Variants in MPHOSPH6 observed in about 807,000 individuals in gnomAD.
MPHOSPH6 encodes M-phase phosphoprotein 6.
Under a neutral mutation model 21.8 loss-of-function variants are expected in MPHOSPH6, and 25 were observed. The ratio of observed to expected loss-of-function variants is 1.15; its 90% confidence interval spans 0.83 to 1.60. The LOEUF (loss-of-function observed/expected upper bound fraction) is 1.60, where lower values mean the gene tolerates loss of function less well. Ranked by LOEUF, MPHOSPH6 falls within the 40% of genes most tolerant of loss-of-function variation. The pLI is 0.00. For synonymous variants in MPHOSPH6, 84 were observed against 56.5 expected, an observed-to-expected ratio of 1.49 and a Z score of -2.18; for missense variants, 269 against 181.8, an observed-to-expected ratio of 1.48 and a Z score of -2.76.
intron 2 of MPHOSPH6, among the ~76,000 whole-genome samples, chr16:82,156,636 C>T (rs1906436400): frequency 6.6e-6 from 1 of 152,160 alleles, no homozygotes; most frequent in African/African-American, 2.4e-5. Context: ...TCTCACACTT[C>T]CTTAGTGAAA....
chr16:82,162,324 T>C (rs1243994529), intron 2 of MPHOSPH6: 1 of 152,116 alleles, frequency 6.6e-6, no homozygotes, highest in Non-Finnish European at 1.5e-5. Context: ...CTATTTAGAG[T>C]GTTAAAAACA....
chr16:82,152,887 C>T (rs1176934456), intron 2 of MPHOSPH6, among the ~76,000 whole-genome samples: 5 of 152,310 alleles, frequency 3.3e-5, no homozygotes, highest in Non-Finnish European at 7.3e-5. Flanking sequence ...GGCTCTGATT[C>T]TCATAAAGAT....
chr16:82,150,017 T>A (rs1243091894), intron 3 of MPHOSPH6, among the ~76,000 whole-genome samples: 1 of 152,038 alleles, frequency 6.6e-6, no homozygotes, highest in African/African-American at 2.4e-5. Context: ...TCTGACCTTT[T>A]TTTTTTTAAA....
At chr16:82,158,677 G>C (rs984665567) in intron 2 of MPHOSPH6, among the ~76,000 whole-genome samples, 2 of 152,030 alleles carry the variant, frequency 1.3e-5, no homozygotes, top group Non-Finnish European at 2.9e-5. Context: ...AAGTGAACCT[G>C]ACACTTCAAG....
chr16:82,148,528 C>T lies in MPHOSPH6; in HGVS notation c.*203G>A. ...CATTTGTAGATCAGGGGCTAAAAAT[C>T]CACTCTGAATGAATACCAAGAAGCA... On this transcript the variant is annotated 3_prime_UTR_variant, in exon 5 of 5. Coordinates refer to ENST00000258169, the MANE Select transcript of MPHOSPH6 (RefSeq NM_005792.2). The T allele has an allele frequency of 1.8e-6, 1 of 568,974 alleles. No individual in the cohort carries two copies. The highest frequency in any genetic ancestry group is 2.7e-6 in the Non-Finnish European group (1 of 364,646). 35.2% of individuals were successfully genotyped at this position (568,974 alleles called of 1,614,324 possible). A position where few individuals can be genotyped will look rare whatever the true frequency, so the allele number is the denominator to read the frequency against.
At chr16:82,163,825 A>G in intron 2 of MPHOSPH6, 1 of 357,732 alleles carries the variant, frequency 2.8e-6, no homozygotes. Context: ...TGCTGTTACT[A>G]TCAGAGATAT....
chr16:82,155,225 T>C (rs1379988423), intron 2 of MPHOSPH6, among the ~76,000 whole-genome samples: 1 of 152,238 alleles, frequency 6.6e-6, no homozygotes, highest in Non-Finnish European at 1.5e-5. Context: ...AAAACAGCAC[T>C]TCATGTGTAA....
intron 2 of MPHOSPH6, among the ~76,000 whole-genome samples, chr16:82,163,059 A>T (rs563366531): frequency 2.0e-5 from 3 of 152,286 alleles, no homozygotes; most frequent in South Asian, 4.1e-4. Flanking sequence ...AGCAGAGAAA[A>T]AAAGTACCTT....
At chr16:82,156,391 A>G (rs775428545) in intron 2 of MPHOSPH6, among the ~76,000 whole-genome samples, 8 of 152,154 alleles carry the variant, frequency 5.3e-5, no homozygotes, top group Non-Finnish European at 8.8e-5. Flanking sequence ...TGGATGGGGG[A>G]TGAACAAATA....
At chr16:82,168,296 C>T (rs184294388) in intron 1 of MPHOSPH6, among the ~76,000 whole-genome samples, 10 of 152,210 alleles carry the variant, frequency 6.6e-5, no homozygotes, top group Non-Finnish European at 1.3e-4. Context: ...TTATTACCAA[C>T]CATAAAATCA....
At chr16:82,166,171 C>T (rs1279653886) in intron 1 of MPHOSPH6, among the ~76,000 whole-genome samples, 3 of 152,174 alleles carry the variant, frequency 2.0e-5, no homozygotes, top group Non-Finnish European at 2.9e-5. Flanking sequence ...GAAGGACGCA[C>T]GGGATATCCC....
chr16:82,163,178 A>G (rs1906658963), intron 2 of MPHOSPH6, among the ~76,000 whole-genome samples: 1 of 152,242 alleles, frequency 6.6e-6, no homozygotes, highest in Non-Finnish European at 1.5e-5. Context: ...TAACATTCCA[A>G]ATCAAAGCCC....
At chr16:82,156,353 T>C (rs1224320644) in intron 2 of MPHOSPH6, among the ~76,000 whole-genome samples, 1 of 152,172 alleles carries the variant, frequency 6.6e-6, no homozygotes, top group African/African-American at 2.4e-5. Flanking sequence ...TGCAACTTAC[T>C]GCATCAAAAA....
chr16:82,159,920 A>G (rs11646480), intron 2 of MPHOSPH6, among the ~76,000 whole-genome samples: 17,931 of 152,122 alleles, frequency 0.12, 1,303 homozygotes, highest in East Asian at 0.29. Context: ...CAATTGCCCA[A>G]TCTTATTCCT....
intron 1 of MPHOSPH6, among the ~76,000 whole-genome samples, chr16:82,166,498 A>C (rs2967355): frequency 0.84 from 128,122 of 152,200 alleles, 54,313 homozygotes; most frequent in African/African-American, 0.94. Context: ...AAAGAAGCAC[A>C]TTCTCAAGAC....
At chr16:82,153,590 T>C (rs1454037983) in intron 2 of MPHOSPH6, among the ~76,000 whole-genome samples, 1 of 152,138 alleles carries the variant, frequency 6.6e-6, no homozygotes, top group African/African-American at 2.4e-5. Flanking sequence ...GGCTGGAATA[T>C]CTGGGTGAGG....
intron 2 of MPHOSPH6, among the ~76,000 whole-genome samples, chr16:82,161,131 GTATTCAT>G (rs1461646977): frequency 2.0e-5 from 3 of 152,160 alleles, no homozygotes; most frequent in African/African-American, 7.2e-5. Flanking sequence ...CAGTTCTTCG[GTATTCAT>G]TTTCTTATGA....
intron 2 of MPHOSPH6, among the ~76,000 whole-genome samples, chr16:82,152,876 A>G (rs766432465): frequency 3.9e-5 from 6 of 152,220 alleles, no homozygotes; most frequent in Non-Finnish European, 8.8e-5. Flanking sequence ...TTGCCGGAGT[A>G]GGCTCTGATT....
chr16:82,149,826 T>C (rs1225400532), intron 3 of MPHOSPH6, among the ~76,000 whole-genome samples: 2 of 152,066 alleles, frequency 1.3e-5, no homozygotes, highest in African/African-American at 4.8e-5. Flanking sequence ...CTCTTGGTGG[T>C]GGTGGTGGTG....
Sources: gnomAD v4.1 joint callset for allele counts (sites outside exome capture counted in the v4.1 genomes callset) on GRCh38, gnomAD v4.1.1 for gene constraint, MANE v1.5 for transcripts, NCBI Gene and HGNC (gene_info 2026-07-23, HGNC 2026-07-21) for gene names.